The following COL1A1 variants were observed in gnomAD, a reference collection of about 807,000 sequenced individuals.
The protein encoded by COL1A1 is collagen type I alpha 1 chain.
In COL1A1, 21 loss-of-function variants were observed where a neutral mutation model predicts 195.7. The ratio of observed to expected loss-of-function variants is 0.11; its 90% CI spans 0.08 to 0.15. The LOEUF is 0.15. COL1A1 is among the 10% of genes least tolerant of loss of function. COL1A1 has a pLI of 1.00. For synonymous variants in COL1A1, 749 were observed against 747.3 expected, an observed-to-expected ratio of 1.00 and a Z score of -0.04; for missense variants, 1,365 against 2,051.0, an observed-to-expected ratio of 0.67 and a Z score of 6.46.
chr17:50,198,291 C>A, intron 6 of COL1A1, 86 bp from the exon 7 acceptor site: 1 of 1,570,148 alleles, frequency 6.4e-7, no homozygotes, highest in Non-Finnish European at 8.8e-7. Flanking sequence ...TTGGGACCAC[C>A]CAGTCGTCCT....
intron 29 of COL1A1, chr17:50,192,227 A>G: frequency 1.4e-6 from 1 of 721,322 alleles, no homozygotes; most frequent in East Asian, 2.7e-5. Context: ...ACTATGGACC[A>G]AGATTTATCA....
In COL1A1 at chr17:50,186,463, T is replaced by C; in HGVS notation, c.3859A>G (p.Ile1287Val). Residue 1287 changes from isoleucine (I) to valine (V), a missense_variant, in exon 49 of 51, where the codon ATC becomes GTC. Ile to Val is a conservative substitution (Grantham distance 29). This residue lies in a region of COL1A1 where 273 missense variants were observed against 338.6 expected (regional missense o/e 0.81). Coordinates refer to ENST00000225964, the MANE Select transcript of COL1A1 (RefSeq NM_000088.4). This position sits in a 1 kb window ranked among gnomAD's most constrained non-coding sequence, Gnocchi z 5.3. Reference protein sequence around the residue: ...DPNQGCNLDAIKVFCNMETGE... With the variant: ...DPNQGCNLDAVKVFCNMETGE... ...GTCTCCATGTTGCAGAAGACTTTGA[T>C]GGCATCCAGGTTGCAGCCTTGGTTG... The C allele has an allele frequency of 5.0e-6, 8 of 1,614,188 alleles. No individual in the cohort carries two copies. The highest frequency in any genetic ancestry group is 6.8e-6 in the Non-Finnish European group (8 of 1,180,036).
chr17:50,201,351 G>A, intron 1 of COL1A1, 60 bp downstream of exon 1: 1 of 1,521,474 alleles, frequency 6.6e-7, no homozygotes, highest in Non-Finnish European at 9.0e-7. Flanking sequence ...CGCGGCCCCC[G>A]GGACCAAGCG....
chr17:50,195,923 C>T lies in COL1A1; in HGVS notation c.1056G>A (p.Lys352=), dbSNP rs1260228089. ...CTTAGAGGAGAGTGGGGGGTCTCAC[C>T]TTAGCACCAACAGCACCAGGGAAGC... ...PPGFPGAVGA[K]GEAGPQGPRG... The change falls in exon 16 of 51, where the codon AAG becomes AAA. Residue 352 remains lysine (K), a splice_region_variant and synonymous_variant. Transcript: ENST00000225964. The surrounding 1 kb of genome is among the most constrained non-coding windows in gnomAD (Gnocchi z 4.3). 1.3e-6 allele frequency: 2 copies of T among 1,580,544 alleles called. No individual in the cohort carries two copies. Among genetic ancestry groups the T allele is most frequent in the Admixed American group, 3.7e-5 (2 of 54,384 alleles).
chr17:50,191,043 G>T, intron 32 of COL1A1, 119 bp from the exon 33 acceptor site: 1 of 960,166 alleles, frequency 1.0e-6, no homozygotes, highest in Non-Finnish European at 1.6e-6. Flanking sequence ...CTCCACCTGG[G>T]CCAAGGACTC....
In COL1A1 at chr17:50,187,678, C is replaced by T. The variant is rs1405803358; in HGVS notation, c.3370-141G>A. On this transcript the variant is annotated intron_variant, in intron 45 of 50. Transcript: ENST00000225964. ...AATCTAGCCCGAGGGTGTCCATAGGCAGAGACCTCTCCCATAATCCCTCTC... is the reference window on the plus strand; with the variant it reads ...AATCTAGCCCGAGGGTGTCCATAGGTAGAGACCTCTCCCATAATCCCTCTC... 6.0e-6 allele frequency: 6 copies of T among 1,002,216 alleles called. No homozygotes were observed. In the Admixed American group the frequency reaches 1.2e-4, roughly 20 times the overall value. The allele number at this position is 1,002,216 out of a possible 1,614,324, so 62.1% of individuals were successfully genotyped here. A position where few individuals can be genotyped will look rare whatever the true frequency, so the allele number is the denominator to read the frequency against.
intron 11 of COL1A1, 124 bp from the exon 12 acceptor site, chr17:50,196,794 A>T: frequency 8.2e-7 from 1 of 1,220,442 alleles, no homozygotes; most frequent in Non-Finnish European, 1.2e-6. Flanking sequence ...TCTGAGCTAG[A>T]CTAAACCCCA....
Position 50,185,550 on chromosome 17 carries a change from G to A in COL1A1, c.4347C>T (p.Ala1449=), listed in dbSNP as rs891380309. The A allele has an allele frequency of 3.1e-6, 5 of 1,613,688 alleles. No homozygotes were observed. In the Admixed American group the frequency reaches 5.0e-5, roughly 16 times the overall value. The change falls in exon 51 of 51, where the codon GCC becomes GCT. Residue 1449 remains alanine (A), a synonymous_variant. Transcript: ENST00000225964. ...IIDVAPLDVG[A]PDQEFGFDVG... Reference sequence around the variant, plus strand: ...CGTCGAAGCCGAATTCCTGGTCTGGGGCACCAACGTCCAAGGGGGCCACAT... The same window carrying A: ...CGTCGAAGCCGAATTCCTGGTCTGGAGCACCAACGTCCAAGGGGGCCACAT...
At chr17:50,193,068 G>GGCTGAA in intron 25 of COL1A1, 21 bp from the exon 26 acceptor site, 1 of 1,613,132 alleles carries the variant, frequency 6.2e-7, no homozygotes, top group Non-Finnish European at 8.5e-7. Context: ...AGGGAGTTAG[G>GGCTGAA]GTTGAGGGGG....
At position 50,186,805 on chromosome 17, in the gene COL1A1, G is replaced by A. The variant is rs763727068; in HGVS notation, c.3649C>T (p.Arg1217Trp). ...EKAHDGGRYY[R>W]ADDANVVRDR... ...CGAACCACATTGGCATCATCAGCCC[G>A]GTAGTAGCGGCCACCATCGTGAGCC... is the stretch of plus-strand genomic sequence containing the variant. Residue 1217 changes from arginine (R) to tryptophan (W), a missense_variant, in exon 48 of 51, where the codon CGG becomes TGG. This residue lies in a region of COL1A1 where 671 missense variants were observed against 1,099.9 expected (regional missense o/e 0.61). Transcript: ENST00000225964. This position sits in a 1 kb window ranked among gnomAD's most constrained non-coding sequence, Gnocchi z 5.3. 31 of 1,614,048 alleles carry A rather than the reference G, an allele frequency of 1.9e-5. No homozygotes were observed. The highest frequency in any genetic ancestry group is 2.5e-5 in the Non-Finnish European group (29 of 1,180,052).
At position 50,184,163 on chromosome 17, in the gene COL1A1, TATACACATACAAA is replaced by T; in HGVS notation, c.*1326_*1338del. On this transcript the variant is annotated 3_prime_UTR_variant, in exon 51 of 51. Transcript: ENST00000225964. The stretch of plus-strand genomic sequence containing the variant: ...AATAATTAAAAACATCTCAAATTAT[TATACACATACAAA>T]ATAGGTACAGAGTCTTTTGCTTCCT... 9.2e-6 allele frequency: 2 copies of T among 218,262 alleles called. No individual in the cohort carries two copies. The highest frequency in any genetic ancestry group is 1.8e-5 in the Non-Finnish European group (2 of 108,396). 13.5% of individuals were successfully genotyped at this position (218,262 alleles called of 1,614,324 possible). A position where few individuals can be genotyped will look rare whatever the true frequency, so the allele number is the denominator to read the frequency against.
rs751784955 is a variant in COL1A1 at position 50,186,789 on chromosome 17, T to G, written c.3665A>C (p.Asn1222Thr). Residue 1222 changes from asparagine (N) to threonine (T), a missense_variant, in exon 48 of 51, where the codon AAT becomes ACT. Asn to Thr is a moderately conservative substitution (Grantham distance 65). Around this residue, in one of 5 missense-constraint regions of COL1A1, gnomAD observed 273 missense variants for 338.6 expected, o/e 0.81. Coordinates refer to ENST00000225964, the MANE Select transcript of COL1A1 (RefSeq NM_000088.4). The surrounding 1 kb of genome is among the most constrained non-coding windows in gnomAD (Gnocchi z 5.3). ...GGRYYRADDA[N>T]VVRDRDLEVD... ...CTCGAGGTCACGGTCACGAACCACA[T>G]TGGCATCATCAGCCCGGTAGTAGCG... 1.3e-5 allele frequency: 21 copies of G among 1,614,104 alleles called. No homozygotes were observed. Among genetic ancestry groups the G allele is most frequent in the Non-Finnish European group, 1.8e-5 (21 of 1,180,022 alleles).
At position 50,194,120 on chromosome 17, in the gene COL1A1, T is replaced by C; in HGVS notation, c.1668+10A>G. 4 of 1,605,760 alleles carry C rather than the reference T, an allele frequency of 2.5e-6. No homozygotes were observed. Among genetic ancestry groups the C allele is most frequent in the Non-Finnish European group, 3.4e-6 (4 of 1,177,484 alleles). On this transcript the variant is annotated intron_variant, in intron 24 of 50. Coordinates refer to ENST00000225964, the MANE Select transcript of COL1A1 (RefSeq NM_000088.4). This position sits in a 1 kb window ranked among gnomAD's most constrained non-coding sequence, Gnocchi z 6.8. ...ACAATGGCAGGGGGTTCAGGGGGAG[T>C]GATACTTACAGGGGGGCCAGTTTTG...
Position 50,184,654 on chromosome 17 carries a change from G to A in COL1A1, c.*848C>T. Reference sequence around the variant, plus strand: ...TAAAATGGGGAGCCGCTTCCACCCTGCCCCCATCCCCGCCCCCAGGCAGTT... The same window carrying A: ...TAAAATGGGGAGCCGCTTCCACCCTACCCCCATCCCCGCCCCCAGGCAGTT... On this transcript the variant is annotated 3_prime_UTR_variant, in exon 51 of 51. Coordinates refer to ENST00000225964, the MANE Select transcript of COL1A1 (RefSeq NM_000088.4). 5.0e-6 allele frequency: 1 copy of A among 199,196 alleles called. No individual in the cohort carries two copies. Among genetic ancestry groups the A allele is most frequent in the African/African-American group, 2.4e-5 (1 of 40,896 alleles). 12.3% of individuals were successfully genotyped at this position (199,196 alleles called of 1,614,324 possible).
At chr17:50,187,774 G>T in intron 45 of COL1A1, 102 bp downstream of exon 45, 3 of 1,161,202 alleles carry the variant, frequency 2.6e-6, no homozygotes, top group Non-Finnish European at 3.7e-6. Flanking sequence ...TCCCCACTAG[G>T]GAGGGGAAAG....
chr17:50,194,496 C>T lies in COL1A1; in HGVS notation c.1516-49G>A. 1 of 1,613,292 alleles carries T rather than the reference C, an allele frequency of 6.2e-7. No individual in the cohort carries two copies. The highest frequency in any genetic ancestry group is 8.5e-7 in the Non-Finnish European group (1 of 1,179,408). ...CAGTTAGGGTCTCAAGTTTGTGGCT[C>T]TTTGCCACGGGCCAAAAGAGGAAGA... is the stretch of plus-strand genomic sequence containing the variant. On this transcript the variant is annotated intron_variant, in intron 22 of 50. Transcript: ENST00000225964. This position sits in a 1 kb window ranked among gnomAD's most constrained non-coding sequence, Gnocchi z 6.8.
In COL1A1 at chr17:50,190,052, G is replaced by A. The variant is rs200620805; in HGVS notation, c.2508C>T (p.Gly836=). 59 of 1,610,258 alleles carry A rather than the reference G, an allele frequency of 3.7e-5. 1 individual carries two copies. Among genetic ancestry groups the A allele is most frequent in the Middle Eastern group, 1.7e-4 (1 of 6,020 alleles). The change falls in exon 36 of 51, where the codon GGC becomes GGT. Residue 836 remains glycine (G), a synonymous_variant. Coordinates refer to ENST00000225964, the MANE Select transcript of COL1A1 (RefSeq NM_000088.4). The surrounding 1 kb of genome is among the most constrained non-coding windows in gnomAD (Gnocchi z 4.7). The part of the protein sequence containing the change: ...KGEPGDAGAK[G]DAGPPGPAGP... ...CGGCAGGGCCAGGGGGACCAGCATC[G>A]CCTTTAGCACCAGCATCACCAGGTT...
At chr17:50,185,705 A>T in intron 50 of COL1A1, 57 bp from the exon 51 acceptor site, 1 of 1,611,832 alleles carries the variant, frequency 6.2e-7, no homozygotes, top group Non-Finnish European at 8.5e-7. Context: ...TGATGGAGAG[A>T]GGGCACTATG....
In COL1A1 at chr17:50,196,640, C is replaced by T. The variant is rs745367793; in HGVS notation, c.835G>A (p.Asp279Asn). 2.5e-6 allele frequency: 4 copies of T among 1,614,210 alleles called. 1 individual carries two copies. The East Asian group carries it at 6.7e-5, about 27-fold the overall frequency. ...GFSGLDGAKG[D>N]AGPAGPKGEP... ...ACCTTAGGACCAGCAGGACCAGCAT[C>T]TCCCTTGGCACCATCCAAACCACTG... Residue 279 changes from aspartate to asparagine, a missense_variant, in exon 12 of 51, where the codon GAT becomes AAT. By Grantham distance (23) the Asp-to-Asn change is conservative. Around this residue, in one of 5 missense-constraint regions of COL1A1, gnomAD observed 226 missense variants for 372.9 expected, o/e 0.61. Coordinates refer to ENST00000225964, the MANE Select transcript of COL1A1 (RefSeq NM_000088.4).
Sources: gnomAD v4.1 joint callset for allele counts on GRCh38, gnomAD v4.1.1 for gene constraint, gnomAD v4.1.1 regional missense constraint, Gnocchi (gnomAD v3.1) non-coding constraint, MANE v1.5 for transcripts, NCBI Gene and HGNC (gene_info 2026-07-23, HGNC 2026-07-21) for gene names.